DMD: variants seen among roughly 807,000 people sequenced by gnomAD.
DMD encodes mutant dystrophin.
A neutral mutation model predicts 330.1 loss-of-function variants in DMD; 63 were observed. That is an observed-to-expected ratio of 0.19 (90% confidence interval 0.16 to 0.24). The LOEUF (loss-of-function observed/expected upper bound fraction) is 0.24. Among genes scored for constraint, DMD ranks in the 10% least tolerant of loss-of-function variants. The pLI is 1.00. For missense variants in DMD, 3,344 were observed against 2,684.1 expected (o/e 1.25, Z -5.43); for synonymous variants, 1,223 against 959.8 (o/e 1.27, Z -5.07).
chrX:32,327,525 T>C (rs2097657391), intron 41 of DMD, among the ~76,000 whole-genome samples: 1 of 111,581 alleles, frequency 9.0e-6, no homozygotes, highest in Non-Finnish European at 1.9e-5. Context: ...CTTTGCAAAA[T>C]ATGGTAATAG....
chrX:33,097,124 T>C lies in DMD; in HGVS notation c.32-76924A>G, dbSNP rs747281609. ...GAATCTTATTTAACAGTTGAGAGAA[T>C]GAGCTGGATCTGAATAAAACACATA... On this transcript the variant is annotated intron_variant, in intron 1 of 78. Transcript: ENST00000357033. Among the ~76,000 whole-genome samples, 5 of 111,479 alleles carry C rather than the reference T, an allele frequency of 4.5e-5. 1 individual carries two copies. In the South Asian group the frequency reaches 1.9e-3, roughly 42 times the overall value.
In DMD at chrX:31,616,286, G is replaced by A. The variant is rs183485081; in HGVS notation, c.8217+11387C>T. Among the ~76,000 whole-genome samples the A allele has an allele frequency of 8.4e-4, 94 of 111,738 alleles. No individual in the cohort carries two copies. The Middle Eastern group carries it at 0.023, about 27-fold the overall frequency. Reference sequence around the variant, plus strand: ...AGGGAAAAAGGGAAGATTCGAAAATGGCTTTCCTTGAAAAGTAGGTAATGT... The same window carrying A: ...AGGGAAAAAGGGAAGATTCGAAAATAGCTTTCCTTGAAAAGTAGGTAATGT... On this transcript the variant is annotated intron_variant, in intron 55 of 78. Coordinates refer to ENST00000357033, the MANE Select transcript of DMD (RefSeq NM_004006.3).
chrX:31,460,771 G>A lies in DMD; in HGVS notation c.8938-16144C>T, dbSNP rs183904741. Among the ~76,000 whole-genome samples, 5 of 111,180 alleles carry A rather than the reference G, an allele frequency of 4.5e-5. No homozygotes were observed. In the East Asian group the frequency reaches 8.4e-4, roughly 19 times the overall value. On this transcript the variant is annotated intron_variant, in intron 59 of 78. Coordinates refer to ENST00000357033, the MANE Select transcript of DMD (RefSeq NM_004006.3). ...TAATTTTTGTATTTTTTGTCCAAAC[G>A]AGGTTTCACTATGTTGTCCAGGCTG...
chrX:31,690,048 C>T (rs1000976666), intron 52 of DMD, among the ~76,000 whole-genome samples: 6 of 111,871 alleles, frequency 5.4e-5, no homozygotes, highest in South Asian at 7.4e-4. Flanking sequence ...CCATTCAGGA[C>T]GTAGGCATGG....
intron 1 of DMD, among the ~76,000 whole-genome samples, chrX:33,223,649 G>A (rs1343457821): frequency 3.6e-5 from 4 of 112,140 alleles, no homozygotes; most frequent in African/African-American, 9.7e-5. Context: ...GATAACATAG[G>A]AGAAAATCTA....
intron 25 of DMD, among the ~76,000 whole-genome samples, chrX:32,461,971 T>A (rs2098384960): frequency 9.0e-6 from 1 of 111,057 alleles, no homozygotes; most frequent in African/African-American, 3.3e-5. Context: ...TTCTAATTTT[T>A]TTTTTCATTT....
At chrX:32,582,189 A>C (rs1022959649) in intron 13 of DMD, among the ~76,000 whole-genome samples, 2 of 111,546 alleles carry the variant, frequency 1.8e-5, no homozygotes, top group Non-Finnish European at 3.8e-5. Flanking sequence ...AATTAATGAC[A>C]TGAAAAATAA....
At chrX:32,517,511 A>T (rs2045970097) in intron 18 of DMD, 1 of 114,694 alleles carries the variant, frequency 8.7e-6, no homozygotes, top group Non-Finnish European at 1.8e-5. Context: ...GGTAATACAC[A>T]AATATCTGGG....
At chrX:32,939,751 A>G (rs1469942587) in intron 2 of DMD, among the ~76,000 whole-genome samples, 2 of 111,511 alleles carry the variant, frequency 1.8e-5, no homozygotes, top group Non-Finnish European at 3.8e-5. Flanking sequence ...ACATTTCTAC[A>G]TACCAGTAAT....
intron 55 of DMD, among the ~76,000 whole-genome samples, chrX:31,558,603 A>C (rs1226956970): frequency 9.0e-6 from 1 of 111,129 alleles, no homozygotes; most frequent in African/African-American, 3.3e-5. Context: ...TCTGTGCACA[A>C]AAGAAAGAAC....
chrX:32,457,814 C>A (rs2098366993), intron 25 of DMD, among the ~76,000 whole-genome samples: 1 of 110,081 alleles, frequency 9.1e-6, no homozygotes, highest in Non-Finnish European at 1.9e-5. Flanking sequence ...CAATGATCTG[C>A]AAGCTGGCAG....
At chrX:32,116,416 C>T (rs965501951) in intron 44 of DMD, among the ~76,000 whole-genome samples, 2 of 112,214 alleles carry the variant, frequency 1.8e-5, no homozygotes, top group Non-Finnish European at 3.8e-5. Flanking sequence ...TAGCTCACTA[C>T]TAGAGTGTAA....
At chrX:32,475,270 G>C (rs1473709064) in intron 21 of DMD, among the ~76,000 whole-genome samples, 1 of 111,613 alleles carries the variant, frequency 9.0e-6, no homozygotes, top group East Asian at 2.8e-4. Context: ...TTATAGTATA[G>C]TTTGAAATCA....
At chrX:32,934,597 A>G (rs2089848357) in intron 2 of DMD, among the ~76,000 whole-genome samples, 1 of 111,814 alleles carries the variant, frequency 8.9e-6, no homozygotes, top group Non-Finnish European at 1.9e-5. Flanking sequence ...CCCAATTTTT[A>G]TGATTTCCCT....
At chrX:32,698,112 G>A (rs1366166949) in intron 8 of DMD, 114 bp from the exon 9 acceptor site, 46 of 834,491 alleles carry the variant, frequency 5.5e-5, no homozygotes, top group Middle Eastern at 4.2e-4. Flanking sequence ...GAAATGGTGA[G>A]ATTCAATGTT....
At chrX:32,006,442 C>A (rs1222468274) in intron 44 of DMD, among the ~76,000 whole-genome samples, 1 of 111,725 alleles carries the variant, frequency 9.0e-6, no homozygotes, top group Non-Finnish European at 1.9e-5. Flanking sequence ...AATAATAAAT[C>A]CAAAACCAAA....
At chrX:31,433,011 A>C (rs1334212719) in intron 60 of DMD, among the ~76,000 whole-genome samples, 2 of 111,600 alleles carry the variant, frequency 1.8e-5, no homozygotes, top group South Asian at 7.6e-4. Context: ...CCAGGTAGTG[A>C]GTATAGTACT....
At chrX:32,645,598 A>G (rs1324040299) in intron 9 of DMD, among the ~76,000 whole-genome samples, 4 of 111,779 alleles carry the variant, frequency 3.6e-5, no homozygotes, top group Non-Finnish European at 5.6e-5. Flanking sequence ...CCAAATATTT[A>G]CAGACCAGTA....
intron 62 of DMD, among the ~76,000 whole-genome samples, chrX:31,276,287 G>A (rs1409460870): frequency 1.8e-5 from 2 of 111,762 alleles, no homozygotes; most frequent in Non-Finnish European, 3.8e-5. Flanking sequence ...TCGAACTCCT[G>A]ACCTCTAGTG....
Sources: gnomAD v4.1 joint callset for allele counts (sites outside exome capture counted in the v4.1 genomes callset) on GRCh38, gnomAD v4.1.1 for gene constraint, MANE v1.5 for transcripts, NCBI Gene and HGNC (gene_info 2026-07-23, HGNC 2026-07-21) for gene names.